LRP6: variants seen among roughly 807,000 people sequenced by gnomAD.
The protein encoded by LRP6 is LDL receptor related protein 6.
In LRP6, 43 loss-of-function variants were observed where a neutral mutation model predicts 184.1. The observed-to-expected ratio is 0.23, with a 90% confidence interval of 0.18 to 0.30. The LOEUF is 0.30. Ranked by LOEUF, LRP6 falls within the 10% of genes least tolerant of loss-of-function variation. The pLI, the probability that LRP6 is intolerant of heterozygous loss-of-function variation, is 1.00. For missense variants in LRP6, 1,571 were observed against 2,005.3 expected (o/e 0.78, Z 4.14); for synonymous variants, 719 against 684.9 (o/e 1.05, Z -0.78).
At chr12:12,253,105 A>G (rs1865365032) in intron 1 of LRP6, among the ~76,000 whole-genome samples, 1 of 152,080 alleles carries the variant, frequency 6.6e-6, no homozygotes, top group Non-Finnish European at 1.5e-5. Flanking sequence ...CTCTACCAAA[A>G]ATATAAAAAT....
At position 12,147,373 on chromosome 12, in the gene LRP6, A is replaced by T; in HGVS notation, c.3390T>A (p.Asp1130Glu). 1 of 1,614,126 alleles carries T rather than the reference A, an allele frequency of 6.2e-7. No homozygotes were observed. The highest frequency in any genetic ancestry group is 8.5e-7 in the Non-Finnish European group (1 of 1,179,992). ...DSDLRRIESS[D>E]LSGANRIVLE... The stretch of plus-strand genomic sequence containing the variant: ...AACATATTTCTTGGGTACCTGAGAG[A>T]TCACTGCTTTCAATTCGCCGGAGAT... The change falls in exon 15 of 23, where the codon GAT becomes GAA. Residue 1130 changes from aspartate (D) to glutamate (E), a missense_variant. Asp to Glu is a conservative substitution (Grantham distance 45). Coordinates refer to ENST00000261349, the MANE Select transcript of LRP6 (RefSeq NM_002336.3).
chr12:12,171,325 G>T (rs896566253), intron 7 of LRP6, among the ~76,000 whole-genome samples: 1 of 152,048 alleles, frequency 6.6e-6, no homozygotes, highest in Non-Finnish European at 1.5e-5. Context: ...GACCATCCTG[G>T]CTAACATGGT....
chr12:12,135,383 C>G (rs1052166529), intron 16 of LRP6, 83 bp from the exon 17 acceptor site: 8 of 839,730 alleles, frequency 9.5e-6, no homozygotes, highest in African/African-American at 1.7e-5. Context: ...AAGGGACAAC[C>G]CTGTCAAAAC....
chr12:12,209,107 T>C (rs933219842), intron 2 of LRP6, among the ~76,000 whole-genome samples: 3 of 152,352 alleles, frequency 2.0e-5, no homozygotes, highest in South Asian at 2.1e-4. Context: ...TTACTTGAGA[T>C]TACGTGATAC....
intron 16 of LRP6, among the ~76,000 whole-genome samples, chr12:12,135,962 A>C (rs1591873005): frequency 6.6e-6 from 1 of 152,172 alleles, no homozygotes; most frequent in East Asian, 1.9e-4. Flanking sequence ...CGGCAGGTGG[A>C]TTGCCTGAAC....
In LRP6 at chr12:12,181,205, T is replaced by C; in HGVS notation, c.1211A>G (p.His404Arg). 3 of 1,614,198 alleles carry C rather than the reference T, an allele frequency of 1.9e-6. No individual in the cohort carries two copies. The highest frequency in any genetic ancestry group is 2.5e-6 in the Non-Finnish European group (3 of 1,180,012). Residue 404 changes from histidine to arginine, a missense_variant, in exon 6 of 23, where the codon CAT becomes CGT. Physicochemically the swap from His to Arg is conservative, Grantham distance 29. Transcript: ENST00000261349. Reference protein sequence around the residue: ...SQFVVTAQIAHPDGIAVDWVA... With the variant: ...SQFVVTAQIARPDGIAVDWVA... ...CCAGTCCACAGCAATACCATCAGGA[T>C]GGGCAATTTGAGCAGTGACCACAAA...
chr12:12,138,785 A>G, intron 15 of LRP6: 1 of 1,474,322 alleles, frequency 6.8e-7, no homozygotes, highest in African/African-American at 1.4e-5. Context: ...AGAAATGTAG[A>G]AAAGAACTTA....
intron 2 of LRP6, among the ~76,000 whole-genome samples, chr12:12,221,818 C>T (rs946521762): frequency 4.6e-5 from 7 of 152,182 alleles, no homozygotes; most frequent in African/African-American, 1.4e-4. Context: ...TGGTACTCGC[C>T]TGTGTGGAGG....
At chr12:12,258,712 G>A (rs1041589289) in intron 1 of LRP6, among the ~76,000 whole-genome samples, 9 of 152,176 alleles carry the variant, frequency 5.9e-5, no homozygotes, top group African/African-American at 2.2e-4. Context: ...AAGTTCACTC[G>A]TCACCTTTCT....
intron 15 of LRP6, among the ~76,000 whole-genome samples, chr12:12,141,453 C>G (rs980588023): frequency 6.6e-6 from 1 of 152,020 alleles, no homozygotes; most frequent in Non-Finnish European, 1.5e-5. Flanking sequence ...AAATTATCAA[C>G]CAAGTGTGAG....
At chr12:12,142,139 G>A (rs535706386) in intron 15 of LRP6, among the ~76,000 whole-genome samples, 2 of 152,344 alleles carry the variant, frequency 1.3e-5, no homozygotes, top group Admixed American at 1.3e-4. Context: ...ACTGAGAGCA[G>A]CAGAGTAGAG....
chr12:12,243,398 G>A (rs1345517470), intron 2 of LRP6, among the ~76,000 whole-genome samples: 2 of 152,012 alleles, frequency 1.3e-5, no homozygotes, highest in Non-Finnish European at 2.9e-5. Context: ...GCTTCAGAGT[G>A]TAACAAAAAA....
intron 9 of LRP6, 125 bp downstream of exon 9, chr12:12,164,148 T>G: frequency 3.7e-6 from 3 of 813,036 alleles, no homozygotes; most frequent in Middle Eastern, 3.7e-4. Context: ...AAAAAAAACT[T>G]GAGGGTTTTT....
intron 3 of LRP6, among the ~76,000 whole-genome samples, chr12:12,195,546 G>A (rs76493987): frequency 6.6e-6 from 1 of 151,778 alleles, no homozygotes; most frequent in Non-Finnish European, 1.5e-5. Flanking sequence ...AACCAAACTG[G>A]TTTTTTGCTG....
At chr12:12,175,077 C>A (rs1863136373) in intron 7 of LRP6, among the ~76,000 whole-genome samples, 1 of 151,820 alleles carries the variant, frequency 6.6e-6, no homozygotes, top group Non-Finnish European at 1.5e-5. Context: ...GCAGGAGAAA[C>A]CAAAATAAAA....
intron 12 of LRP6, chr12:12,155,681 A>G (rs1950142333): frequency 2.1e-6 from 2 of 958,592 alleles, no homozygotes; most frequent in Non-Finnish European, 3.4e-6. Flanking sequence ...CTGAAGCGCC[A>G]GCCTGCTCCA....
rs1565519363 is a variant in LRP6 at position 12,120,033 on chromosome 12, AT to A, written c.*1092del. The A allele has an allele frequency of 1.4e-4, 17 of 123,916 alleles. No homozygotes were observed. The highest frequency in any genetic ancestry group is 7.7e-4 in the East Asian group (3 of 3,890). The allele number at this position is 123,916 out of a possible 1,614,324, so 7.7% of individuals were successfully genotyped here. On this transcript the variant is annotated 3_prime_UTR_variant, in exon 23 of 23. Transcript: ENST00000261349. ...TATATATATATATATATATATATAT[AT>A]ATATATATAAATGATTTCGTACTGT...
At chr12:12,133,626 T>C (rs1949787822) in intron 17 of LRP6, among the ~76,000 whole-genome samples, 1 of 152,094 alleles carries the variant, frequency 6.6e-6, no homozygotes, top group African/African-American at 2.4e-5. Flanking sequence ...TAATACACAG[T>C]TGTATACATC....
rs59179190 is a variant in LRP6 at position 12,146,873 on chromosome 12, C to T, written c.3397+493G>A. Among the ~76,000 whole-genome samples, 917 of 152,314 alleles carry T rather than the reference C, an allele frequency of 6.0e-3. 7 individuals carry two copies. Among genetic ancestry groups the T allele is most frequent in the African/African-American group, 0.021 (875 of 41,550 alleles). Reference sequence around the variant, plus strand: ...ATGCATTAGAAATGTATTATTTACGCCGGGCGCGGTGGCTTACGCCTGTAA... The same window carrying T: ...ATGCATTAGAAATGTATTATTTACGTCGGGCGCGGTGGCTTACGCCTGTAA... On this transcript the variant is annotated intron_variant, in intron 15 of 22. Transcript: ENST00000261349.
Sources: gnomAD v4.1 joint callset for allele counts (sites outside exome capture counted in the v4.1 genomes callset) on GRCh38, gnomAD v4.1.1 for gene constraint, MANE v1.5 for transcripts, NCBI Gene and HGNC (gene_info 2026-07-23, HGNC 2026-07-21) for gene names.